Variants in SATB2 observed in about 807,000 individuals in gnomAD.
SATB2 encodes DNA-binding protein SATB2.
In SATB2, 1 loss-of-function variant was observed where a neutral mutation model predicts 73.4. The ratio of observed to expected loss-of-function variants is 0.01; its 90% CI spans 0.00 to 0.06. The LOEUF (loss-of-function observed/expected upper bound fraction) is 0.06. Among genes scored for constraint, SATB2 ranks in the 10% least tolerant of loss-of-function variants. The probability of loss-of-function intolerance (pLI) is 1.00; values close to 1 mark genes in which losing one functional copy is unlikely to be tolerated. For synonymous variants in SATB2, 397 were observed against 367.0 expected, an observed-to-expected ratio of 1.08 and a Z score of -0.93; for missense variants, 459 against 945.8, an observed-to-expected ratio of 0.49 and a Z score of 6.75.
At chr2:199,327,772 G>A (rs755021211) in intron 8 of SATB2, among the ~76,000 whole-genome samples, 4 of 152,056 alleles carry the variant, frequency 2.6e-5, no homozygotes, top group Non-Finnish European at 4.4e-5. Context: ...AAATTCTGTG[G>A]GGAGATCATC....
chr2:199,347,044 T>A (rs1053140406), intron 7 of SATB2: 1 of 151,948 alleles, frequency 6.6e-6, no homozygotes, highest in Non-Finnish European at 1.5e-5. Flanking sequence ...TTTGTTTTGT[T>A]CTGTTTTAGT....
intron 3 of SATB2, among the ~76,000 whole-genome samples, chr2:199,411,560 T>A (rs565899393): frequency 1.3e-5 from 2 of 152,312 alleles, no homozygotes; most frequent in South Asian, 4.1e-4. Context: ...TATTTACAGA[T>A]AAACTGAAGT....
At chr2:199,395,065 T>A (rs1356495164) in intron 3 of SATB2, among the ~76,000 whole-genome samples, 1 of 152,160 alleles carries the variant, frequency 6.6e-6, no homozygotes, top group South Asian at 2.1e-4. Flanking sequence ...AGGATAAGAC[T>A]GATTTCCTTC....
intron 9 of SATB2, among the ~76,000 whole-genome samples, chr2:199,316,173 G>T (rs1687730879): frequency 3.3e-5 from 5 of 152,058 alleles, no homozygotes; most frequent in Admixed American, 3.3e-4. Context: ...TCTTCAGATG[G>T]TTGAGACTCT....
upstream of SATB2, among the ~76,000 whole-genome samples, chr2:199,466,726 C>T (rs141707626): frequency 4.1e-4 from 63 of 152,352 alleles, 2 homozygotes; most frequent in East Asian, 9.6e-3. Flanking sequence ...TCTCACATTA[C>T]TTCCCTGCTA....
At chr2:199,286,323 G>A (rs1692686843) in intron 10 of SATB2, among the ~76,000 whole-genome samples, 1 of 152,136 alleles carries the variant, frequency 6.6e-6, no homozygotes, top group Non-Finnish European at 1.5e-5. Flanking sequence ...GAAAAGCATG[G>A]ACACATGATG....
chr2:199,454,933 TA>T (rs1692230698), intron 2 of SATB2, among the ~76,000 whole-genome samples: 3 of 152,158 alleles, frequency 2.0e-5, no homozygotes, highest in Admixed American at 2.0e-4. Context: ...CTGTTGAAAT[TA>T]TTAGAGAAAA....
At chr2:199,419,617 T>C in intron 3 of SATB2, among the ~76,000 whole-genome samples, 1 of 152,208 alleles carries the variant, frequency 6.6e-6, no homozygotes, top group Non-Finnish European at 1.5e-5. Flanking sequence ...CCTGTCATCT[T>C]GTAGCATACT....
intron 9 of SATB2, among the ~76,000 whole-genome samples, chr2:199,316,961 C>T (rs1434585410): frequency 6.6e-6 from 1 of 151,956 alleles, no homozygotes. Flanking sequence ...GCTTCCAGCA[C>T]CTCCCTTCAG....
intron 3 of SATB2, among the ~76,000 whole-genome samples, chr2:199,413,001 G>A (rs1487022196): frequency 6.6e-6 from 1 of 152,116 alleles, no homozygotes; most frequent in Non-Finnish European, 1.5e-5. Context: ...TGTTTAGTTG[G>A]TAACAGAAAA....
chr2:199,421,316 G>A (rs945682103), intron 3 of SATB2, among the ~76,000 whole-genome samples: 27 of 152,068 alleles, frequency 1.8e-4, no homozygotes, highest in African/African-American at 6.3e-4. Flanking sequence ...AGGACCTGAG[G>A]TCCCATAGAA....
At chr2:199,413,960 T>C (rs1690898678) in intron 3 of SATB2, among the ~76,000 whole-genome samples, 1 of 152,192 alleles carries the variant, frequency 6.6e-6, no homozygotes, top group Non-Finnish European at 1.5e-5. Flanking sequence ...CAATCTTAAA[T>C]GATTAATACC....
chr2:199,360,078 A>G (rs2105839269), intron 6 of SATB2, among the ~76,000 whole-genome samples: 1 of 152,350 alleles, frequency 6.6e-6, no homozygotes, highest in South Asian at 2.1e-4. Context: ...AGTGCTTTTC[A>G]GCTTTGAACC....
At chr2:199,438,906 G>C (rs192874502) in intron 2 of SATB2, among the ~76,000 whole-genome samples, 14 of 152,336 alleles carry the variant, frequency 9.2e-5, no homozygotes, top group Admixed American at 8.5e-4. Flanking sequence ...GGCAAGGGCA[G>C]AATAGTTCAG....
intron 7 of SATB2, among the ~76,000 whole-genome samples, chr2:199,337,615 C>T (rs1192206073): frequency 6.6e-6 from 1 of 152,114 alleles, no homozygotes; most frequent in African/African-American, 2.4e-5. Flanking sequence ...TGCACATGCT[C>T]ATCTGGGGGT....
At chr2:199,358,865 C>T (rs1016657310) in intron 6 of SATB2, among the ~76,000 whole-genome samples, 7 of 152,148 alleles carry the variant, frequency 4.6e-5, no homozygotes, top group Admixed American at 1.3e-4. Flanking sequence ...TCTTAGTCTC[C>T]ACCCTCTGTA....
intron 9 of SATB2, among the ~76,000 whole-genome samples, chr2:199,313,144 C>T (rs1687640135): frequency 6.6e-6 from 1 of 152,056 alleles, no homozygotes; most frequent in Admixed American, 6.6e-5. Flanking sequence ...TCAATAATTG[C>T]CATATGGTGA....
chr2:199,440,072 C>A (rs893495504), intron 2 of SATB2, among the ~76,000 whole-genome samples: 2 of 152,126 alleles, frequency 1.3e-5, no homozygotes, highest in African/African-American at 2.4e-5. Flanking sequence ...TGCCACTGCA[C>A]CCCAGCCTGG....
intron 6 of SATB2, among the ~76,000 whole-genome samples, chr2:199,358,007 G>A (rs1320312916): frequency 3.3e-5 from 5 of 152,090 alleles, no homozygotes; most frequent in South Asian, 2.1e-4. Flanking sequence ...TTGGCGATAC[G>A]TAACAATTTT....
Sources: allele counts gnomAD v4.1 joint callset (sites outside exome capture counted in the v4.1 genomes callset), GRCh38; gene constraint gnomAD v4.1.1; transcripts MANE v1.5; gene names NCBI Gene and HGNC (gene_info 2026-07-23, HGNC 2026-07-21).